The following NECAB1 variants were observed in gnomAD, a reference collection of about 807,000 sequenced individuals.
The protein encoded by NECAB1 is N-terminal EF-hand calcium-binding protein 1.
NECAB1 carries 29 observed loss-of-function variants against 57.5 expected under a neutral mutation model. The observed-to-expected ratio is 0.50, with a 90% CI of 0.38 to 0.69. The LOEUF (loss-of-function observed/expected upper bound fraction) is 0.69. NECAB1 is among the 30% of genes least tolerant of loss of function. NECAB1 has a pLI of 0.00. For synonymous variants in NECAB1, 142 were observed against 147.7 expected, an observed-to-expected ratio of 0.96 and a Z score of 0.28; for missense variants, 372 against 413.8, an observed-to-expected ratio of 0.90 and a Z score of 0.88.
At chr8:90,860,458 G>GT (rs1440526214) in intron 3 of NECAB1, among the ~76,000 whole-genome samples, 1 of 152,058 alleles carries the variant, frequency 6.6e-6, no homozygotes, top group Non-Finnish European at 1.5e-5. Context: ...GATAACAGAT[G>GT]TATTTATCAG....
intron 4 of NECAB1, among the ~76,000 whole-genome samples, chr8:90,878,817 T>G (rs1808774566): frequency 6.6e-6 from 1 of 151,538 alleles, no homozygotes. Flanking sequence ...AATTTTAAAG[T>G]GGAAAGACAA....
chr8:90,842,708 A>T (rs1433078642), intron 3 of NECAB1, among the ~76,000 whole-genome samples: 1 of 152,242 alleles, frequency 6.6e-6, no homozygotes, highest in Non-Finnish European at 1.5e-5. Flanking sequence ...CTGCCAAGAA[A>T]ATGCTGTCAT....
At chr8:90,908,370 G>A (rs770802480) in intron 5 of NECAB1, among the ~76,000 whole-genome samples, 7 of 152,054 alleles carry the variant, frequency 4.6e-5, no homozygotes, top group South Asian at 4.2e-4. Context: ...ATTTATGTAC[G>A]AACATAGTTC....
Position 90,808,640 on chromosome 8 carries a change from C to CTTT in NECAB1, c.124+6946_124+6948dup, listed in dbSNP as rs200075536. Among the ~76,000 whole-genome samples, 350 of 81,276 alleles carry CTTT rather than the reference C, an allele frequency of 4.3e-3. 11 individuals are homozygous for CTTT. Among genetic ancestry groups the CTTT allele is most frequent in the African/African-American group, 8.5e-3 (162 of 19,160 alleles). 53.3% of individuals were successfully genotyped at this position (81,276 alleles called of 152,430 possible). On this transcript the variant is annotated intron_variant, in intron 2 of 12. Coordinates refer to ENST00000417640, the MANE Select transcript of NECAB1 (RefSeq NM_022351.5). ...TTCATCCTAATCCTTTTTTTCTTTT[C>CTTT]TTTTTTTTTTTTTTTTTTTTTTTGA...
At position 90,940,589 on chromosome 8, in the gene NECAB1, T is replaced by G. The variant is rs1225548598; in HGVS notation, c.748-197T>G. The G allele has an allele frequency of 2.0e-5, 10 of 510,442 alleles. 1 individual carries two copies. The highest frequency in any genetic ancestry group is 3.2e-5 in the Non-Finnish European group (9 of 283,828). The allele number at this position is 510,442 out of a possible 1,614,324, so 31.6% of individuals were successfully genotyped here. ...GAACACGTTGTTTAGCTTCTGGGAC[T>G]AGAGGCAAGGAAAATATCTTGCCTA... On this transcript the variant is annotated intron_variant, in intron 9 of 12. Coordinates refer to ENST00000417640, the MANE Select transcript of NECAB1 (RefSeq NM_022351.5).
chr8:90,920,410 C>T (rs2130136411), intron 6 of NECAB1, among the ~76,000 whole-genome samples: 1 of 152,234 alleles, frequency 6.6e-6, no homozygotes, highest in South Asian at 2.1e-4. Context: ...CAGCTGGCCA[C>T]CAAAAGTGAG....
Position 90,824,834 on chromosome 8 carries a change from C to A in NECAB1, c.233+9C>A. On this transcript the variant is annotated intron_variant, in intron 3 of 12. Coordinates refer to ENST00000417640, the MANE Select transcript of NECAB1 (RefSeq NM_022351.5). ...GATACACATAATACTAAGTAAGAAA[C>A]TTTTTTATCACTGGATTCCACAAGT... The A allele has an allele frequency of 7.1e-7, 1 of 1,402,338 alleles. No homozygotes were observed. The highest frequency in any genetic ancestry group is 9.7e-7 in the Non-Finnish European group (1 of 1,027,766). The allele number at this position is 1,402,338 out of a possible 1,614,324, so 86.9% of individuals were successfully genotyped here.
At chr8:90,796,248 G>A (rs1811659688) in intron 1 of NECAB1, among the ~76,000 whole-genome samples, 1 of 152,080 alleles carries the variant, frequency 6.6e-6, no homozygotes, top group Non-Finnish European at 1.5e-5. Context: ...CTGACCCCAG[G>A]CAGTCTAATG....
chr8:90,803,469 A>G (rs143140036), intron 2 of NECAB1, among the ~76,000 whole-genome samples: 49 of 152,126 alleles, frequency 3.2e-4, no homozygotes, highest in African/African-American at 1.1e-3. Context: ...TTACCTTTGT[A>G]TGTATTTCTC....
chr8:90,889,962 T>TGC (rs747717084), intron 5 of NECAB1, among the ~76,000 whole-genome samples: 2 of 151,518 alleles, frequency 1.3e-5, no homozygotes, highest in South Asian at 4.2e-4. Flanking sequence ...TGTGTGTGAG[T>TGC]GTGTGTGTGT....
At chr8:90,843,343 C>G (rs1183893752) in intron 3 of NECAB1, among the ~76,000 whole-genome samples, 2 of 152,202 alleles carry the variant, frequency 1.3e-5, no homozygotes, top group African/African-American at 4.8e-5. Flanking sequence ...AATTGCTGGT[C>G]TCTTTCCCCC....
chr8:90,792,519 ATTCT>A (rs1218652020), intron 1 of NECAB1, among the ~76,000 whole-genome samples: 5 of 152,078 alleles, frequency 3.3e-5, no homozygotes, highest in Non-Finnish European at 7.4e-5. Context: ...TTTCATAATG[ATTCT>A]TTTTGTCACT....
At chr8:90,951,285 C>G (rs772227896) in intron 12 of NECAB1, 81 bp downstream of exon 12, 2 of 753,158 alleles carry the variant, frequency 2.7e-6, no homozygotes, top group Non-Finnish European at 4.4e-6. Context: ...TATGCTCTTT[C>G]CTTCTATATT....
At chr8:90,947,512 T>G (rs1810840018) in intron 10 of NECAB1, among the ~76,000 whole-genome samples, 1 of 151,780 alleles carries the variant, frequency 6.6e-6, no homozygotes. Flanking sequence ...GCGATTCTCC[T>G]GCCTCAGCCT....
At position 90,808,940 on chromosome 8, in the gene NECAB1, C is replaced by T. The variant is rs186938702; in HGVS notation, c.124+7225C>T. Among the ~76,000 whole-genome samples the T allele has an allele frequency of 5.3e-4, 80 of 152,190 alleles. 1 individual carries two copies. The highest frequency in any genetic ancestry group is 5.0e-3 in the Admixed American group (77 of 15,286). ...GATTACAGGCGTGAGCCACCGCGCC[C>T]GGCCTTTTCATCCTAATTCTTATTC... On this transcript the variant is annotated intron_variant, in intron 2 of 12. Coordinates refer to ENST00000417640, the MANE Select transcript of NECAB1 (RefSeq NM_022351.5).
At chr8:90,844,601 C>G (rs763767432) in intron 3 of NECAB1, among the ~76,000 whole-genome samples, 1 of 152,112 alleles carries the variant, frequency 6.6e-6, no homozygotes, top group East Asian at 1.9e-4. Flanking sequence ...CTCTCCCACC[C>G]GCAACATCAT....
rs751951361 is a variant in NECAB1 at position 90,824,841 on chromosome 8, A to G, written c.233+16A>G. Reference sequence around the variant, plus strand: ...ATAATACTAAGTAAGAAACTTTTTTATCACTGGATTCCACAAGTGAGGCAC... The same window carrying G: ...ATAATACTAAGTAAGAAACTTTTTTGTCACTGGATTCCACAAGTGAGGCAC... On this transcript the variant is annotated intron_variant, in intron 3 of 12. Coordinates refer to ENST00000417640, the MANE Select transcript of NECAB1 (RefSeq NM_022351.5). 13 of 1,324,474 alleles carry G rather than the reference A, an allele frequency of 9.8e-6. No homozygotes were observed. In the African/African-American group the frequency reaches 1.3e-4, roughly 14 times the overall value. 82.0% of individuals were successfully genotyped at this position (1,324,474 alleles called of 1,614,324 possible). A position where few individuals can be genotyped will look rare whatever the true frequency, so the allele number is the denominator to read the frequency against.
chr8:90,942,898 G>A (rs1460178046), intron 10 of NECAB1, among the ~76,000 whole-genome samples: 1 of 151,968 alleles, frequency 6.6e-6, no homozygotes, highest in Non-Finnish European at 1.5e-5. Context: ...AAAGAAAAAT[G>A]CAAACAGTAC....
At chr8:90,873,720 G>A (rs1808661733) in intron 4 of NECAB1, among the ~76,000 whole-genome samples, 1 of 152,102 alleles carries the variant, frequency 6.6e-6, no homozygotes, top group Non-Finnish European at 1.5e-5. Flanking sequence ...AACACTAAGT[G>A]GTTCTTCTTT....
Sources: allele counts gnomAD v4.1 joint callset (sites outside exome capture counted in the v4.1 genomes callset), GRCh38; gene constraint gnomAD v4.1.1; transcripts MANE v1.5; gene names NCBI Gene and HGNC (gene_info 2026-07-23, HGNC 2026-07-21).